The following MBTPS1 variants were observed in gnomAD, a reference collection of about 807,000 sequenced individuals.
MBTPS1 encodes membrane-bound transcription factor site-1 protease.
A neutral mutation model predicts 127.8 loss-of-function variants in MBTPS1; 94 were observed. The ratio of observed to expected loss-of-function variants is 0.74; its 90% CI spans 0.62 to 0.87. The LOEUF (loss-of-function observed/expected upper bound fraction) is 0.87, where lower values mean the gene tolerates loss of function less well. Among genes scored for constraint, MBTPS1 ranks in the 40% least tolerant of loss-of-function variants. The probability of loss-of-function intolerance (pLI) is 0.00; values close to 1 mark genes in which losing one functional copy is unlikely to be tolerated. For missense variants in MBTPS1, 1,636 were observed against 1,353.2 expected (o/e 1.21, Z -3.28); for synonymous variants, 632 against 509.4 (o/e 1.24, Z -3.24).
In MBTPS1 at chr16:84,075,723, C is replaced by T. The variant is rs189987625; in HGVS notation, c.1449-982G>A. The T allele has an allele frequency of 8.5e-5, 13 of 152,346 alleles. No individual in the cohort carries two copies. In the East Asian group the frequency reaches 1.3e-3, roughly 16 times the overall value. 9.4% of individuals were successfully genotyped at this position (152,346 alleles called of 1,614,324 possible). A position where few individuals can be genotyped will look rare whatever the true frequency, so the allele number is the denominator to read the frequency against. ...AGATGTATCTGGGCCAACTGAATTG[C>T]TATTTAAGAAACCAAATGGAATATC... On this transcript the variant is annotated intron_variant, in intron 11 of 22. Coordinates refer to ENST00000343411, the MANE Select transcript of MBTPS1 (RefSeq NM_003791.4).
intron 18 of MBTPS1, among the ~76,000 whole-genome samples, chr16:84,064,402 G>A (rs986303773): frequency 1.3e-5 from 2 of 152,078 alleles, no homozygotes; most frequent in Non-Finnish European, 2.9e-5. Context: ...TCTGCCATCA[G>A]GGTCTTTTCT....
rs752037534 is a variant in MBTPS1 at position 84,093,216 on chromosome 16, T to A, written c.818A>T (p.His273Leu). Reference protein sequence around the residue: ...CQGFAPDAELHIFRVFTNNQV... With the variant: ...CQGFAPDAELLIFRVFTNNQV... ...ATTATTGGTAAAGACCCTGAAAATG[T>A]GAAGTTCTGCATCTGGAGCAAATCC... Residue 273 changes from histidine (H) to leucine (L), a missense_variant, in exon 6 of 23, where the codon CAC becomes CTC. Transcript: ENST00000343411. 1 of 1,613,614 alleles carries A rather than the reference T, an allele frequency of 6.2e-7. No homozygotes were observed. Among genetic ancestry groups the A allele is most frequent in the African/African-American group, 1.3e-5 (1 of 74,910 alleles).
intron 10 of MBTPS1, among the ~76,000 whole-genome samples, chr16:84,084,258 TC>T (rs1481733923): frequency 6.6e-6 from 1 of 152,184 alleles, no homozygotes; most frequent in African/African-American, 2.4e-5. Flanking sequence ...GCACCCGGCC[TC>T]CTTGAGAACT....
In MBTPS1 at chr16:84,101,927, T is replaced by C; in HGVS notation, c.-144A>G. 2.8e-6 allele frequency: 2 copies of C among 713,892 alleles called. No individual in the cohort carries two copies. The highest frequency in any genetic ancestry group is 4.7e-6 in the Non-Finnish European group (2 of 426,648). 44.2% of individuals were successfully genotyped at this position (713,892 alleles called of 1,614,324 possible). A position where few individuals can be genotyped will look rare whatever the true frequency, so the allele number is the denominator to read the frequency against. ...CAGTCTTGCCCAACATAAATAAAAGTTAAATCCCATGGCCTTTTGTGGTTC... is the reference window on the plus strand; with the variant it reads ...CAGTCTTGCCCAACATAAATAAAAGCTAAATCCCATGGCCTTTTGTGGTTC... On this transcript the variant is annotated 5_prime_UTR_variant, in exon 2 of 23. Coordinates refer to ENST00000343411, the MANE Select transcript of MBTPS1 (RefSeq NM_003791.4).
rs2085747142 is a variant in MBTPS1 at position 84,070,011 on chromosome 16, T to C, written c.1810A>G (p.Thr604Ala). The change falls in exon 14 of 23, where the codon ACA (threonine) becomes GCA (alanine). Residue 604 changes from threonine (T) to alanine (A), a missense_variant. By Grantham distance (58) the Thr-to-Ala change is moderately conservative. Coordinates refer to ENST00000343411, the MANE Select transcript of MBTPS1 (RefSeq NM_003791.4). ...ESKNGAEQTS[T>A]VKLPIKVKII... is the part of the protein sequence containing the mutation. ...TTCACCTTAATGGGGAGCTTTACTG[T>C]TGAAGTCTGTTCTGCACCATTTTTT... The C allele has an allele frequency of 6.2e-7, 1 of 1,613,254 alleles. No homozygotes were observed. Among genetic ancestry groups the C allele is most frequent in the Non-Finnish European group, 8.5e-7 (1 of 1,179,842 alleles).
In MBTPS1 at chr16:84,054,387, C is replaced by A; in HGVS notation, c.*62G>T. On this transcript the variant is annotated 3_prime_UTR_variant, in exon 23 of 23. Coordinates refer to ENST00000343411, the MANE Select transcript of MBTPS1 (RefSeq NM_003791.4). ...TAAACCAGCCGCCACCACAGCTCGGCTCACCCACCAGCGCCGTCCGTGAAG... is the reference window on the plus strand; with the variant it reads ...TAAACCAGCCGCCACCACAGCTCGGATCACCCACCAGCGCCGTCCGTGAAG... The A allele has an allele frequency of 6.9e-7, 1 of 1,446,400 alleles. No homozygotes were observed. The highest frequency in any genetic ancestry group is 9.2e-7 in the Non-Finnish European group (1 of 1,082,108). 89.6% of individuals were successfully genotyped at this position (1,446,400 alleles called of 1,614,324 possible).
At chr16:84,106,478 G>T (rs985928456) in intron 1 of MBTPS1, among the ~76,000 whole-genome samples, 2 of 152,192 alleles carry the variant, frequency 1.3e-5, no homozygotes, top group Admixed American at 6.5e-5. Flanking sequence ...TCCAGGCAGT[G>T]GGAAAGCAAG....
At position 84,076,344 on chromosome 16, in the gene MBTPS1, C is replaced by G. The variant is rs112941563; in HGVS notation, c.1449-1603G>C. Among the ~76,000 whole-genome samples the G allele has an allele frequency of 2.0e-5, 3 of 151,994 alleles. No homozygotes were observed. In the East Asian group the frequency reaches 5.8e-4, roughly 29 times the overall value. On this transcript the variant is annotated intron_variant, in intron 11 of 22. Coordinates refer to ENST00000343411, the MANE Select transcript of MBTPS1 (RefSeq NM_003791.4). ...GGGATAAATCCAGCATCTTACTTAA[C>G]GGAGAAATACAAGAGGCATTTCCAT... is the stretch of plus-strand genomic sequence containing the variant.
At position 84,116,886 on chromosome 16, in the gene MBTPS1, C is replaced by T. The variant is rs955062488; in HGVS notation, c.-476G>A. On this transcript the variant is annotated 5_prime_UTR_variant, in exon 1 of 23. Coordinates refer to ENST00000343411, the MANE Select transcript of MBTPS1 (RefSeq NM_003791.4). ...AGGCCCACAGCTGGGAGCCTCAGCT[C>T]CGCCGACCCAGCGTGCCCTGTCTGT... 2.0e-5 allele frequency: 3 copies of T among 152,280 alleles called. No homozygotes were observed. The highest frequency in any genetic ancestry group is 7.2e-5 in the African/African-American group (3 of 41,464). The allele number at this position is 152,280 out of a possible 1,614,324, so 9.4% of individuals were successfully genotyped here.
At chr16:84,093,890 A>G in intron 4 of MBTPS1, 69 bp from the exon 5 acceptor site, 1 of 1,114,224 alleles carries the variant, frequency 9.0e-7, no homozygotes, top group Non-Finnish European at 1.4e-6. Context: ...TGCCTATAAA[A>G]TACATTCCTT....
At chr16:84,077,641 A>G (rs1279749537) in intron 11 of MBTPS1, among the ~76,000 whole-genome samples, 1 of 152,234 alleles carries the variant, frequency 6.6e-6, no homozygotes, top group African/African-American at 2.4e-5. Context: ...GCAAACAAAT[A>G]TTAGAAGAAA....
At position 84,095,748 on chromosome 16, in the gene MBTPS1, C is replaced by T. The variant is rs369349224; in HGVS notation, c.479G>A (p.Arg160His). The change falls in exon 4 of 23, where the codon CGT becomes CAT. Residue 160 changes from arginine to histidine, a missense_variant. Arg to His is a conservative substitution (Grantham distance 29, BLOSUM62 0). Coordinates refer to ENST00000343411, the MANE Select transcript of MBTPS1 (RefSeq NM_003791.4). ...GGAGAGGCTGGCTCTTCGCAGGGGA[C>T]GTGATGATTGCCACTTCTGGCTCCA... ...TRWSQKWQSS[R>H]PLRRASLSLG... 5.6e-6 allele frequency: 9 copies of T among 1,614,002 alleles called. No homozygotes were observed. Among genetic ancestry groups the T allele is most frequent in the Admixed American group, 5.0e-5 (3 of 60,008 alleles).
In MBTPS1 at chr16:84,065,483, T is replaced by TA. The variant is rs570940638; in HGVS notation, c.2431+206dup. ...TGCGGTGATAAAATTGTTCTGGAAG[T>TA]AGACAATGGTGATGGTTCCACAATT... is the stretch of plus-strand genomic sequence containing the variant. On this transcript the variant is annotated intron_variant, in intron 18 of 22. Coordinates refer to ENST00000343411, the MANE Select transcript of MBTPS1 (RefSeq NM_003791.4). Among the ~76,000 whole-genome samples the TA allele has an allele frequency of 1.6e-4, 24 of 152,272 alleles. No homozygotes were observed. The South Asian group carries it at 4.8e-3, about 30-fold the overall frequency.
intron 17 of MBTPS1, 128 bp from the exon 18 acceptor site, chr16:84,065,895 G>T: frequency 1.8e-6 from 1 of 541,458 alleles, no homozygotes. Context: ...TTAATCTTGA[G>T]GGAGGAGCTG....
chr16:84,079,235 T>A (rs2085903366), intron 11 of MBTPS1, among the ~76,000 whole-genome samples: 1 of 152,240 alleles, frequency 6.6e-6, no homozygotes, highest in African/African-American at 2.4e-5. Flanking sequence ...CTATGCTTCC[T>A]GTACAGCCTG....
At chr16:84,067,628 C>T in intron 16 of MBTPS1, 39 bp downstream of exon 16, 2 of 1,507,232 alleles carry the variant, frequency 1.3e-6, no homozygotes, top group Non-Finnish European at 1.8e-6. Context: ...TTTGATTCCC[C>T]AAAAGTCTTA....
intron 1 of MBTPS1, among the ~76,000 whole-genome samples, chr16:84,105,716 C>T (rs970009066): frequency 6.6e-6 from 1 of 152,130 alleles, no homozygotes; most frequent in Admixed American, 6.6e-5. Flanking sequence ...CCCCAGCCAA[C>T]AGCCGGAAAT....
Position 84,067,807 on chromosome 16 carries a change from C to T in MBTPS1, c.2088G>A (p.Val696=), listed in dbSNP as rs1206587680. ...CAGGGAAGTACTCCTCCTCACTGTC[C>T]ACCATCAGCAAAGTGCCTGATGAAC... ...DASQYGTLLM[V]DSEEEYFPEE... The change falls in exon 16 of 23, where the codon GTG becomes GTA. Residue 696 remains valine (V), a synonymous_variant. Transcript: ENST00000343411. 1 of 1,607,872 alleles carries T rather than the reference C, an allele frequency of 6.2e-7. No individual in the cohort carries two copies. Among genetic ancestry groups the T allele is most frequent in the South Asian group, 1.1e-5 (1 of 90,786 alleles).
At position 84,101,986 on chromosome 16, in the gene MBTPS1, T is replaced by C; in HGVS notation, c.-203A>G. On this transcript the variant is annotated 5_prime_UTR_variant, in exon 2 of 23. Transcript: ENST00000343411. ...GAGAGGCTTTCATTTCTTTCTCCGC[T>C]TCTTCTCCATCTTGGAAATAAGGCT... 1 of 541,214 alleles carries C rather than the reference T, an allele frequency of 1.8e-6. No individual in the cohort carries two copies. The highest frequency in any genetic ancestry group is 3.3e-6 in the Non-Finnish European group (1 of 303,372). The allele number at this position is 541,214 out of a possible 1,614,324, so 33.5% of individuals were successfully genotyped here.
Sources: allele counts gnomAD v4.1 joint callset (sites outside exome capture counted in the v4.1 genomes callset), GRCh38; gene constraint gnomAD v4.1.1; transcripts MANE v1.5; gene names NCBI Gene and HGNC (gene_info 2026-07-23, HGNC 2026-07-21).